Variants in CREBBP observed in about 807,000 individuals in gnomAD.
CREBBP encodes CREB binding lysine acetyltransferase.
A neutral mutation model predicts 265.0 loss-of-function variants in CREBBP; 19 were observed. That is an observed-to-expected ratio of 0.07 (90% confidence interval 0.05 to 0.11). CREBBP has a LOEUF of 0.11. CREBBP is among the 10% of genes least tolerant of loss of function. The pLI is 1.00. For synonymous variants in CREBBP, 1,457 were observed against 1,223.7 expected (o/e 1.19, Z -3.98); for missense variants, 2,525 against 3,219.0 (o/e 0.78, Z 5.22).
chr16:3,804,050 C>T (rs2053779150), intron 3 of CREBBP, among the ~76,000 whole-genome samples: 1 of 151,646 alleles, frequency 6.6e-6, no homozygotes, highest in Non-Finnish European at 1.5e-5. Flanking sequence ...CACCACTGCA[C>T]TCCAAATGGG....
chr16:3,764,724 C>T (rs983532606), intron 16 of CREBBP, among the ~76,000 whole-genome samples: 2 of 151,978 alleles, frequency 1.3e-5, no homozygotes, highest in African/African-American at 4.8e-5. Flanking sequence ...GCCAGGACTA[C>T]AGGCATGCAC....
In CREBBP at chr16:3,728,653, C is replaced by T. The variant is rs2151304263; in HGVS notation, c.6394G>A (p.Gly2132Ser). Reference sequence around the variant, plus strand: ...TGCAGGCTGGGCTGCTGGTGCATGCCAGGCTGGGGTTGCATGCCGGGCTGG... The same window carrying T: ...TGCAGGCTGGGCTGCTGGTGCATGCTAGGCTGGGGTTGCATGCCGGGCTGG... ...QSQPGMQPQP[G>S]MHQQPSLQNL... Residue 2132 changes from glycine to serine, a missense_variant, in exon 31 of 31, where the codon GGC becomes AGC. Around this residue, in one of 19 missense-constraint regions of CREBBP, gnomAD observed 473 missense variants for 459.3 expected, o/e 1.03. Coordinates refer to ENST00000262367, the MANE Select transcript of CREBBP (RefSeq NM_004380.3). The surrounding 1 kb of genome is among the most constrained non-coding windows in gnomAD (Gnocchi z 8.7). 6.2e-7 allele frequency: 1 copy of T among 1,613,574 alleles called. No individual in the cohort carries two copies. The highest frequency in any genetic ancestry group is 8.5e-7 in the Non-Finnish European group (1 of 1,179,824).
At chr16:3,753,120 C>G (rs955112089) in intron 19 of CREBBP, among the ~76,000 whole-genome samples, 1 of 152,142 alleles carries the variant, frequency 6.6e-6, no homozygotes. Context: ...AAAAACAGTG[C>G]GACAGGACTC....
chr16:3,802,136 T>TTTTTTTG (rs2053728756), intron 3 of CREBBP, among the ~76,000 whole-genome samples: 1 of 120,348 alleles, frequency 8.3e-6, no homozygotes, highest in African/African-American at 3.3e-5. Context: ...TTTTTTTTTT[T>TTTTTTTG]TTTTTTTTTT....
Position 3,777,603 on chromosome 16 carries a change from A to T in CREBBP, c.2158+10T>A. 1.2e-6 allele frequency: 2 copies of T among 1,614,082 alleles called. No individual in the cohort carries two copies. Among genetic ancestry groups the T allele is most frequent in the Non-Finnish European group, 1.7e-6 (2 of 1,179,928 alleles). On this transcript the variant is annotated intron_variant, in intron 11 of 30. Transcript: ENST00000262367. ...AACTAAAATATGATTCACCACAAAC[A>T]GTTCAATACCTTGAGAAACTTGCAT...
At chr16:3,839,804 G>A (rs1784864506) in intron 2 of CREBBP, among the ~76,000 whole-genome samples, 1 of 148,260 alleles carries the variant, frequency 6.7e-6, no homozygotes, top group Non-Finnish European at 1.5e-5. Context: ...GGAAAGGAAT[G>A]GAAAAGAAAG....
chr16:3,796,363 G>C (rs955674860), intron 3 of CREBBP, among the ~76,000 whole-genome samples: 2 of 151,142 alleles, frequency 1.3e-5, no homozygotes, highest in Non-Finnish European at 2.9e-5. Context: ...TCACAGATGT[G>C]TGGTGCCACC....
rs772747762 is a variant in CREBBP, at chr16:3,731,143, C to T, written c.5172+49G>A. On this transcript the variant is annotated intron_variant, in intron 30 of 30. Transcript: ENST00000262367. This position sits in a 1 kb window ranked among gnomAD's most constrained non-coding sequence, Gnocchi z 7.7. ...ACCCATGCAAAGGGACAGGATGCTT[C>T]GTCAGACCCCAGGCCGGCTGTGGGG... The T allele has an allele frequency of 1.8e-5, 28 of 1,587,436 alleles. No homozygotes were observed. In the East Asian group the frequency reaches 2.5e-4, roughly 14 times the overall value.
intron 1 of CREBBP, among the ~76,000 whole-genome samples, chr16:3,876,414 A>AC (rs2055403133): frequency 1.3e-5 from 2 of 150,362 alleles, no homozygotes; most frequent in Admixed American, 6.6e-5. Flanking sequence ...AAAAAAAAAA[A>AC]AAAAAAAAAA....
intron 15 of CREBBP, among the ~76,000 whole-genome samples, chr16:3,768,566 G>A (rs1023204891): frequency 1.3e-5 from 2 of 152,206 alleles, no homozygotes; most frequent in Non-Finnish European, 2.9e-5. Context: ...GGGACCAAAA[G>A]TCCTTCTCAG....
intron 16 of CREBBP, among the ~76,000 whole-genome samples, chr16:3,764,918 C>T (rs998516074): frequency 6.6e-6 from 1 of 151,836 alleles, no homozygotes; most frequent in African/African-American, 2.4e-5. Flanking sequence ...AAAAAGTATT[C>T]CTTGTATTAA....
At chr16:3,845,289 CT>C (rs2054643447) in intron 2 of CREBBP, among the ~76,000 whole-genome samples, 1 of 152,102 alleles carries the variant, frequency 6.6e-6, no homozygotes, top group African/African-American at 2.4e-5. Flanking sequence ...TGAGAACCAC[CT>C]GTGTGAGAAA....
chr16:3,853,961 AACACAC>A (rs371504662), intron 1 of CREBBP, among the ~76,000 whole-genome samples: 4 of 145,132 alleles, frequency 2.8e-5, no homozygotes, highest in Admixed American at 6.8e-5. Context: ...CAAACAAACA[AACACAC>A]ACACACACAC....
intron 2 of CREBBP, among the ~76,000 whole-genome samples, chr16:3,834,742 T>G (rs1358762723): frequency 6.6e-6 from 1 of 151,618 alleles, no homozygotes; most frequent in African/African-American, 2.4e-5. Context: ...GACAGCGGAG[T>G]TGGGGAGGAT....
rs1567371599 is a variant in CREBBP, at chr16:3,861,120, A to G, written c.86-10111T>C. 6.6e-5 allele frequency among the ~76,000 whole-genome samples: 10 copies of G among 152,002 alleles called. 1 individual carries two copies. Among genetic ancestry groups the G allele is most frequent in the Admixed American group, 6.6e-4 (10 of 15,250 alleles). On this transcript the variant is annotated intron_variant, in intron 1 of 30. Transcript: ENST00000262367. ...ACCCTGTCTCTACTAAAAATACTGA[A>G]AATTACAAAAAATTAGCTGGGCGTG... is the stretch of plus-strand genomic sequence containing the variant.
At chr16:3,801,392 G>A (rs1473646681) in intron 3 of CREBBP, among the ~76,000 whole-genome samples, 3 of 152,230 alleles carry the variant, frequency 2.0e-5, no homozygotes, top group Admixed American at 6.5e-5. Context: ...AGGGTGGGCT[G>A]GGTGCAGCAG....
intron 3 of CREBBP, among the ~76,000 whole-genome samples, chr16:3,797,349 C>A (rs983969884): frequency 2.0e-5 from 3 of 152,166 alleles, no homozygotes; most frequent in African/African-American, 7.2e-5. Flanking sequence ...AGTCCAGAAA[C>A]AGACATAGGT....
At chr16:3,736,524 A>C in intron 27 of CREBBP, 126 bp downstream of exon 27, 1 of 1,412,906 alleles carries the variant, frequency 7.1e-7, no homozygotes, top group Non-Finnish European at 1.0e-6. Context: ...TTAGGCTTTT[A>C]TTTTTCTGCT....
chr16:3,762,335 C>T (rs1477068823), intron 16 of CREBBP, among the ~76,000 whole-genome samples: 1 of 151,090 alleles, frequency 6.6e-6, no homozygotes, highest in African/African-American at 2.4e-5. Context: ...TATTCAAATT[C>T]CGTGCTGAGG....
Sources: allele counts gnomAD v4.1 joint callset (sites outside exome capture counted in the v4.1 genomes callset), GRCh38; gene constraint gnomAD v4.1.1; regional missense constraint gnomAD v4.1.1; non-coding constraint Gnocchi (gnomAD v3.1); transcripts MANE v1.5; gene names NCBI Gene and HGNC (gene_info 2026-07-23, HGNC 2026-07-21).